Variants in CC2D2B observed in about 807,000 individuals in gnomAD.
CC2D2B encodes the protein protein CC2D2B.
Under a neutral mutation model 161.2 loss-of-function variants are expected in CC2D2B, and 128 were observed. The ratio of observed to expected loss-of-function variants is 0.79; its 90% confidence interval spans 0.69 to 0.92. The LOEUF (loss-of-function observed/expected upper bound fraction) is 0.92, where lower values mean the gene tolerates loss of function less well. Ranked by LOEUF, CC2D2B falls within the 40% of genes least tolerant of loss-of-function variation. The probability of loss-of-function intolerance (pLI) is 0.00; values close to 1 mark genes in which losing one functional copy is unlikely to be tolerated. For synonymous variants in CC2D2B, 391 were observed against 449.8 expected (o/e 0.87, Z 1.65); for missense variants, 1,173 against 1,375.1 (o/e 0.85, Z 2.32).
intron 6 of CC2D2B, among the ~76,000 whole-genome samples, chr10:95,929,606 C>T (rs140165382): frequency 0.16 from 24,791 of 152,112 alleles, 2,156 homozygotes; most frequent in Middle Eastern, 0.26. Context: ...TTTCAGTTTT[C>T]GGCATATGGC....
intron 17 of CC2D2B, among the ~76,000 whole-genome samples, chr10:95,979,172 G>GT (rs797010779): frequency 0.027 from 3,585 of 132,394 alleles, 105 homozygotes; most frequent in African/African-American, 0.075. Flanking sequence ...GGTTTTTGGT[G>GT]TTTTTTTTTT....
At chr10:96,016,142 G>A (rs779763567) in intron 29 of CC2D2B, 59 bp from the exon 30 acceptor site, 129 of 1,091,106 alleles carry the variant, frequency 1.2e-4, no homozygotes, top group Admixed American at 5.5e-4. Flanking sequence ...GGATGCTTGC[G>A]TTACTCAACT....
intron 32 of CC2D2B, among the ~76,000 whole-genome samples, chr10:96,024,037 C>T (rs1434486678): frequency 6.6e-6 from 1 of 152,158 alleles, no homozygotes; most frequent in Non-Finnish European, 1.5e-5. Flanking sequence ...TCAGGAATAC[C>T]CAAAGTAAAA....
chr10:95,949,969 T>C lies in CC2D2B; in HGVS notation c.875T>C (p.Leu292Pro). ...EGSREIYQLD[L>P]NIVGLQFSHH... ...TCAAGGGAAATATACCAGTTAGACC[T>C]CAACATTGTGGGTTTGCAATTCAGC... The change falls in exon 10 of 35, where the codon CTC becomes CCC. Residue 292 changes from leucine (L) to proline (P), a missense_variant. By Grantham distance (98) the Leu-to-Pro change is moderately conservative (BLOSUM62 -3). Around this residue, in one of 3 missense-constraint regions of CC2D2B, gnomAD observed 298 missense variants for 261.2 expected, o/e 1.14. Coordinates refer to ENST00000646931, the MANE Select transcript of CC2D2B (RefSeq NM_001349008.3). 2.5e-6 allele frequency: 1 copy of C among 398,770 alleles called. No homozygotes were observed. The highest frequency in any genetic ancestry group is 4.4e-6 in the Non-Finnish European group (1 of 225,930). The allele number at this position is 398,770 out of a possible 1,614,324, so 24.7% of individuals were successfully genotyped here.
intron 30 of CC2D2B, among the ~76,000 whole-genome samples, chr10:96,016,996 G>A (rs1246083133): frequency 6.6e-6 from 1 of 152,180 alleles, no homozygotes; most frequent in Non-Finnish European, 1.5e-5. Flanking sequence ...GGGATTACAG[G>A]CATGAGCCAC....
In CC2D2B at chr10:95,960,647, G is replaced by A. The variant is rs118118621; in HGVS notation, c.1110-1182G>A. 4.8e-3 allele frequency among the ~76,000 whole-genome samples: 731 copies of A among 152,112 alleles called. 5 individuals are homozygous for A. Among genetic ancestry groups the A allele is most frequent in the Middle Eastern group, 0.01 (3 of 294 alleles). Reference sequence around the variant, plus strand: ...CCCACCTCAGTCTCCTGAGTAGCTGGGACTACAAGTGTGCACCATCATGCT... The same window carrying A: ...CCCACCTCAGTCTCCTGAGTAGCTGAGACTACAAGTGTGCACCATCATGCT... On this transcript the variant is annotated intron_variant, in intron 11 of 34. Coordinates refer to ENST00000646931, the MANE Select transcript of CC2D2B (RefSeq NM_001349008.3).
At position 96,013,640 on chromosome 10, in the gene CC2D2B, G is replaced by C. The variant is rs1297947397; in HGVS notation, c.3427-148G>C. 1.3e-5 allele frequency: 6 copies of C among 479,226 alleles called. No individual in the cohort carries two copies. The East Asian group carries it at 2.4e-4, about 19-fold the overall frequency. The allele number at this position is 479,226 out of a possible 1,614,324, so 29.7% of individuals were successfully genotyped here. A position where few individuals can be genotyped will look rare whatever the true frequency, so the allele number is the denominator to read the frequency against. ...AGGGCAAGTTATTTTATTACTCCAA[G>C]CTTATTTCCTCTTCTGTAATACTAG... On this transcript the variant is annotated intron_variant, in intron 28 of 34. Transcript: ENST00000646931.
intron 30 of CC2D2B, among the ~76,000 whole-genome samples, chr10:96,017,422 T>C (rs1366351291): frequency 6.6e-6 from 1 of 152,184 alleles, no homozygotes; most frequent in African/African-American, 2.4e-5. Flanking sequence ...TCAACAATAT[T>C]TTGGCAACTA....
In CC2D2B at chr10:95,982,016, C is replaced by T. The variant is rs781589273; in HGVS notation, c.1985C>T (p.Pro662Leu). 5.7e-6 allele frequency: 7 copies of T among 1,230,362 alleles called. No homozygotes were observed. Among genetic ancestry groups the T allele is most frequent in the Non-Finnish European group, 7.1e-6 (7 of 986,486 alleles). The allele number at this position is 1,230,362 out of a possible 1,614,324, so 76.2% of individuals were successfully genotyped here. The stretch of plus-strand genomic sequence containing the variant: ...GATGCAAGAAGTGTTCCTGGAATTC[C>T]ATGGCTCATGAATGAACAGAAGCTT... ...NVDARSVPGI[P>L]WLMNEQKLFE... Residue 662 changes from proline to leucine, a missense_variant, in exon 18 of 35, where the codon CCA becomes CTA. Transcript: ENST00000646931.
At chr10:96,031,763 A>G (rs2080076521) in intron 34 of CC2D2B, 57 bp from the exon 35 acceptor site, 6 of 1,403,156 alleles carry the variant, frequency 4.3e-6, no homozygotes, top group Middle Eastern at 1.8e-4. Flanking sequence ...TGCATACAGT[A>G]ATTCCAGATT....
intron 33 of CC2D2B, among the ~76,000 whole-genome samples, 198 bp downstream of exon 33, chr10:96,025,109 GACCA>G (rs2079636838): frequency 7.4e-6 from 1 of 135,884 alleles, no homozygotes; most frequent in South Asian, 2.3e-4. Flanking sequence ...AGGAGTTTGA[GACCA>G]GCCTGGGCAA....
At chr10:95,996,883 T>C (rs933999461) in intron 24 of CC2D2B, among the ~76,000 whole-genome samples, 1 of 152,190 alleles carries the variant, frequency 6.6e-6, no homozygotes, top group African/African-American at 2.4e-5. Flanking sequence ...CCATGAGAGC[T>C]CCACCCTTAT....
At chr10:95,946,286 T>C (rs2076196252) in intron 9 of CC2D2B, among the ~76,000 whole-genome samples, 1 of 152,126 alleles carries the variant, frequency 6.6e-6, no homozygotes, top group Admixed American at 6.5e-5. Flanking sequence ...TTGTTAGATA[T>C]TCCACCACCT....
rs565246314 is a variant in CC2D2B, at chr10:95,972,192, C to A, written c.1771C>A (p.Pro591Thr). 5 of 1,232,030 alleles carry A rather than the reference C, an allele frequency of 4.1e-6. No homozygotes were observed. Among genetic ancestry groups the A allele is most frequent in the East Asian group, 6.3e-5 (2 of 31,708 alleles). The allele number at this position is 1,232,030 out of a possible 1,614,324, so 76.3% of individuals were successfully genotyped here. A position where few individuals can be genotyped will look rare whatever the true frequency, so the allele number is the denominator to read the frequency against. The change falls in exon 16 of 35, where the codon CCT (proline) becomes ACT (threonine). Residue 591 changes from proline (P) to threonine (T), a missense_variant. Physicochemically the swap from Pro to Thr is conservative, Grantham distance 38. Around this residue, in one of 3 missense-constraint regions of CC2D2B, gnomAD observed 277 missense variants for 420.6 expected, o/e 0.66. Transcript: ENST00000646931. ...VEFSSDKLVM[P>T]ADGEVGSNVP... The stretch of plus-strand genomic sequence containing the variant: ...GTTTAGCTCTGATAAGCTGGTCATG[C>A]CTGCCGATGGAGAAGTAGGAAGCAG...
chr10:95,927,881 T>C (rs757624348), intron 6 of CC2D2B, among the ~76,000 whole-genome samples: 40 of 151,876 alleles, frequency 2.6e-4, no homozygotes, highest in Non-Finnish European at 4.7e-4. Context: ...TCCCTGGGGT[T>C]GCCCTTTCCT....
chr10:96,022,700 C>G (rs183208313), intron 32 of CC2D2B: 1 of 152,124 alleles, frequency 6.6e-6, no homozygotes, highest in South Asian at 2.1e-4. Context: ...GCCAGTGTTA[C>G]GTTAGATGTA....
At chr10:95,954,302 C>A (rs187047868) in intron 10 of CC2D2B, among the ~76,000 whole-genome samples, 1 of 152,038 alleles carries the variant, frequency 6.6e-6, no homozygotes, top group South Asian at 2.1e-4. Context: ...TGTGTCTCAG[C>A]TAAGACTGGG....
At chr10:96,025,184 T>TATATA (rs2079683102) in intron 33 of CC2D2B, among the ~76,000 whole-genome samples, 3 of 20,634 alleles carry the variant, frequency 1.5e-4, no homozygotes, top group Admixed American at 7.2e-4. Flanking sequence ...TATATATATA[T>TATATA]AAAAAAAAAT....
In CC2D2B at chr10:96,012,237, G is replaced by T. The variant is rs1179878226; in HGVS notation, c.3098G>T (p.Trp1033Leu). The T allele has an allele frequency of 4.2e-6, 3 of 708,434 alleles. No individual in the cohort carries two copies. The highest frequency in any genetic ancestry group is 7.8e-6 in the Non-Finnish European group (3 of 382,736). The allele number at this position is 708,434 out of a possible 1,614,324, so 43.9% of individuals were successfully genotyped here. ...TIPPVLLGYT[W>L]SNTYVFPKED... The stretch of plus-strand genomic sequence containing the variant: ...CCACCAGTTTTGCTCGGGTATACTT[G>T]GAGTAATACTTATGTATTTCCTAAA... Residue 1033 changes from tryptophan (W) to leucine (L), a missense_variant, in exon 27 of 35, where the codon TGG (tryptophan) becomes TTG (leucine). This residue lies in a region of CC2D2B where 598 missense variants were observed against 693.2 expected (regional missense o/e 0.86). Coordinates refer to ENST00000646931, the MANE Select transcript of CC2D2B (RefSeq NM_001349008.3).
Sources: gnomAD v4.1 joint callset for allele counts (sites outside exome capture counted in the v4.1 genomes callset) on GRCh38, gnomAD v4.1.1 for gene constraint, gnomAD v4.1.1 regional missense constraint, MANE v1.5 for transcripts, NCBI Gene and HGNC (gene_info 2026-07-23, HGNC 2026-07-21) for gene names.